RARB: variants seen among roughly 807,000 people sequenced by gnomAD.
RARB encodes retinoic acid receptor beta, also known as HBV-activated protein.
RARB carries 17 observed loss-of-function variants against 51.9 expected under a neutral mutation model. That is an observed-to-expected ratio of 0.33 (90% CI 0.22 to 0.49). The LOEUF (loss-of-function observed/expected upper bound fraction) is 0.49, where lower values mean the gene tolerates loss of function less well. RARB is among the 20% of genes least tolerant of loss of function. The probability of loss-of-function intolerance (pLI) is 0.99; values close to 1 mark genes in which losing one functional copy is unlikely to be tolerated. For missense variants in RARB, 369 were observed against 550.8 expected (o/e 0.67, Z 3.30); for synonymous variants, 215 against 195.4 (o/e 1.10, Z -0.84).
At chr3:25,209,547 C>T (rs1319784723) in intron 5 of RARB, among the ~76,000 whole-genome samples, 1 of 152,080 alleles carries the variant, frequency 6.6e-6, no homozygotes, top group African/African-American at 2.4e-5. Context: ...AAGGAATCAC[C>T]CTGAAGGGAG....
At chr3:25,436,993 G>A in intron 1 of RARB, among the ~76,000 whole-genome samples, 1 of 152,256 alleles carries the variant, frequency 6.6e-6, no homozygotes, top group South Asian at 2.1e-4. Flanking sequence ...TCTGTAGAAG[G>A]ATTAGAGATC....
intron 4 of RARB, among the ~76,000 whole-genome samples, chr3:25,138,835 A>G (rs1302185858): frequency 2.6e-5 from 4 of 152,146 alleles, no homozygotes; most frequent in East Asian, 3.9e-4. Context: ...TACTTTGCAG[A>G]TATTGTATAT....
At position 24,924,055 on chromosome 3, in the gene RARB, TC is replaced by T. The variant is rs1414304130; in HGVS notation, c.-380+65305del. Among the ~76,000 whole-genome samples the T allele has an allele frequency of 1.7e-4, 26 of 152,130 alleles. 1 individual carries two copies. The highest frequency in any genetic ancestry group is 1.7e-3 in the Admixed American group (26 of 15,254). ...TTTAGTGACCCAGCCAGGTCTAGAC[TC>T]CAAAAGTCTATACTCCAAAACCCAT... On this transcript the variant is annotated intron_variant, in intron 2 of 11. Coordinates refer to the RARB transcript ENST00000383772.
chr3:25,353,935 G>A (rs1705652252), intron 5 of RARB, among the ~76,000 whole-genome samples: 1 of 152,034 alleles, frequency 6.6e-6, no homozygotes, highest in Non-Finnish European at 1.5e-5. Context: ...ATAATATAAA[G>A]TGCAGTATAT....
intron 3 of RARB, among the ~76,000 whole-genome samples, chr3:25,552,314 A>G (rs1559463903): frequency 6.6e-6 from 1 of 152,172 alleles, no homozygotes; most frequent in Non-Finnish European, 1.5e-5. Context: ...TTTAGAGTCC[A>G]GTGTTCCTTT....
chr3:25,517,984 T>C (rs1454031424), intron 3 of RARB, among the ~76,000 whole-genome samples: 2 of 152,122 alleles, frequency 1.3e-5, no homozygotes, highest in Non-Finnish European at 2.9e-5. Flanking sequence ...TTGCTAGAAG[T>C]TGTCAAGCAG....
chr3:25,288,186 T>C (rs1703702202), intron 5 of RARB, among the ~76,000 whole-genome samples: 1 of 152,148 alleles, frequency 6.6e-6, no homozygotes, highest in South Asian at 2.1e-4. Flanking sequence ...AGGTTATAGG[T>C]GATACCACAT....
At chr3:25,093,020 A>T (rs1160985520) in intron 3 of RARB, among the ~76,000 whole-genome samples, 1 of 152,182 alleles carries the variant, frequency 6.6e-6, no homozygotes, top group Non-Finnish European at 1.5e-5. Flanking sequence ...ATCCCTACTT[A>T]GAGCACAGGT....
chr3:25,475,877 A>G (rs1695922478), intron 2 of RARB, among the ~76,000 whole-genome samples: 1 of 152,214 alleles, frequency 6.6e-6, no homozygotes, highest in Non-Finnish European at 1.5e-5. Context: ...TAGTTATGGT[A>G]AGGCCAGGTT....
chr3:25,148,654 T>A (rs1398108118), intron 4 of RARB, among the ~76,000 whole-genome samples: 1 of 152,212 alleles, frequency 6.6e-6, no homozygotes, highest in Non-Finnish European at 1.5e-5. Flanking sequence ...CTTACCTTTG[T>A]GATCTTAAGC....
At chr3:25,256,511 A>G (rs935031618) in intron 5 of RARB, among the ~76,000 whole-genome samples, 1 of 152,172 alleles carries the variant, frequency 6.6e-6, no homozygotes, top group African/African-American at 2.4e-5. Flanking sequence ...GAGATCCTTT[A>G]AAGGATGTCC....
chr3:25,194,250 A>AGG (rs1325533911), intron 5 of RARB, among the ~76,000 whole-genome samples: 1 of 150,992 alleles, frequency 6.6e-6, no homozygotes, highest in East Asian at 2.0e-4. Flanking sequence ...GGTAGGAAGG[A>AGG]GAGAAGGTCA....
At chr3:25,078,534 A>ATTTTTTTTTTTTTTTTTTTTTTT (rs56349106) in intron 3 of RARB, among the ~76,000 whole-genome samples, 1 of 141,292 alleles carries the variant, frequency 7.1e-6, no homozygotes, top group Non-Finnish European at 1.5e-5. Flanking sequence ...CCAACTTTCT[A>ATTTTTTTTTTTTTTTTTTTTTTT]TTTTTTTTTT....
chr3:25,589,067 A>G (rs879721001), intron 5 of RARB, among the ~76,000 whole-genome samples: 10 of 152,336 alleles, frequency 6.6e-5, no homozygotes, highest in Admixed American at 4.6e-4. Context: ...GTTATACCTC[A>G]GTTTTAAAAC....
intron 5 of RARB, among the ~76,000 whole-genome samples, chr3:25,284,570 G>T (rs1703604172): frequency 6.6e-6 from 1 of 152,058 alleles, no homozygotes; most frequent in Non-Finnish European, 1.5e-5. Context: ...CTAATATAGT[G>T]AGGGAAGCAG....
At chr3:25,460,540 T>C (rs1575425144) in intron 1 of RARB, among the ~76,000 whole-genome samples, 1 of 151,942 alleles carries the variant, frequency 6.6e-6, no homozygotes, top group Non-Finnish European at 1.5e-5. Context: ...CTCTGCCTCC[T>C]GGGTTCAAGC....
intron 5 of RARB, among the ~76,000 whole-genome samples, chr3:25,276,937 A>AT (rs781398280): frequency 2.6e-5 from 4 of 152,220 alleles, no homozygotes; most frequent in Non-Finnish European, 5.9e-5. Flanking sequence ...TGGTCATCTT[A>AT]TCTCATTGAT....
chr3:25,458,818 A>C (rs188310155), intron 1 of RARB, among the ~76,000 whole-genome samples: 242 of 152,316 alleles, frequency 1.6e-3, no homozygotes, highest in Non-Finnish European at 3.1e-3. Flanking sequence ...AGGGCTAATT[A>C]ATTACTTTTT....
At chr3:25,080,102 T>C (rs1698963907) in intron 3 of RARB, among the ~76,000 whole-genome samples, 1 of 152,198 alleles carries the variant, frequency 6.6e-6, no homozygotes, top group Non-Finnish European at 1.5e-5. Context: ...CCATCCTCTC[T>C]CCCTCAGACT....
Sources: gnomAD v4.1 joint callset for allele counts (sites outside exome capture counted in the v4.1 genomes callset) on GRCh38, gnomAD v4.1.1 for gene constraint, MANE v1.5 for transcripts, NCBI Gene and HGNC (gene_info 2026-07-23, HGNC 2026-07-21) for gene names.